Variants in PCDH19 observed in about 807,000 individuals in gnomAD.
PCDH19 encodes protocadherin-19.
A neutral mutation model predicts 46.2 loss-of-function variants in PCDH19; 6 were observed. The observed-to-expected ratio is 0.13, with a 90% CI of 0.07 to 0.26. The LOEUF is 0.26. Ranked by LOEUF, PCDH19 falls within the 10% of genes least tolerant of loss-of-function variation. The probability of loss-of-function intolerance (pLI) is 1.00; values close to 1 mark genes in which losing one functional copy is unlikely to be tolerated. For missense variants in PCDH19, 740 were observed against 972.3 expected (o/e 0.76, Z 3.18); for synonymous variants, 481 against 415.7 (o/e 1.16, Z -1.91).
intron 3 of PCDH19, among the ~76,000 whole-genome samples, chrX:100,377,915 G>A (rs1927435089): frequency 1.8e-5 from 2 of 112,270 alleles, no homozygotes; most frequent in Non-Finnish European, 3.8e-5. Flanking sequence ...AATCCAATAC[G>A]AAATAGTGGT....
Position 100,407,621 on chromosome X carries a change from A to G in PCDH19, c.977T>C (p.Ile326Thr). ...VQAKDLGPNS[I>T]PAHCKVTVSV... ...GACGGTGACCTTGCAGTGTGCCGGG[A>G]TGGAATTGGGCCCCAAGTCCTTAGC... Residue 326 changes from isoleucine (I) to threonine (T), a missense_variant, in exon 1 of 6, where the codon ATC becomes ACC. Physicochemically the swap from Ile to Thr is moderately conservative, Grantham distance 89 (BLOSUM62 -1). Around this residue, in one of 5 missense-constraint regions of PCDH19, gnomAD observed 186 missense variants for 319.9 expected, o/e 0.58. Transcript: ENST00000373034. The G allele has an allele frequency of 1.7e-6, 2 of 1,211,819 alleles. No homozygotes were observed. Among genetic ancestry groups the G allele is most frequent in the Non-Finnish European group, 2.2e-6 (2 of 895,518 alleles).
chrX:100,353,415 T>C, intron 3 of PCDH19, among the ~76,000 whole-genome samples: 1 of 112,049 alleles, frequency 8.9e-6, no homozygotes, highest in East Asian at 2.8e-4. Context: ...CTGTGTGCAC[T>C]CTGCATCAAA....
chrX:100,388,654 C>T (rs997339835), intron 3 of PCDH19, among the ~76,000 whole-genome samples: 3 of 110,351 alleles, frequency 2.7e-5, no homozygotes, highest in Non-Finnish European at 5.7e-5. Context: ...TGCCAAATTG[C>T]CCCCAGGAAA....
chrX:100,355,271 A>G (rs1311395821), intron 3 of PCDH19, among the ~76,000 whole-genome samples: 2 of 111,682 alleles, frequency 1.8e-5, no homozygotes. Context: ...TCCTTAAAAT[A>G]GGGTATAAAA....
At chrX:100,306,246 C>T (rs1308833440) in intron 5 of PCDH19, among the ~76,000 whole-genome samples, 1 of 111,653 alleles carries the variant, frequency 9.0e-6, no homozygotes. Flanking sequence ...AACTGGAAAT[C>T]AACTCTAAAA....
At chrX:100,337,744 C>G (rs996123581) in intron 5 of PCDH19, among the ~76,000 whole-genome samples, 1 of 111,344 alleles carries the variant, frequency 9.0e-6, no homozygotes, top group Non-Finnish European at 1.9e-5. Flanking sequence ...AGTAGGGTGA[C>G]TATAGCTTAT....
chrX:100,377,868 G>A (rs761880880), intron 3 of PCDH19, among the ~76,000 whole-genome samples: 2 of 112,088 alleles, frequency 1.8e-5, no homozygotes, highest in East Asian at 2.8e-4. Context: ...AATAGGGTTC[G>A]ATGTGATTGG....
In PCDH19 at chrX:100,407,322, G is replaced by A. The variant is rs1928399359; in HGVS notation, c.1276C>T (p.Arg426Cys). 6 of 1,212,381 alleles carry A rather than the reference G, an allele frequency of 4.9e-6. No individual in the cohort carries two copies. The highest frequency in any genetic ancestry group is 1.7e-5 in the African/African-American group (1 of 57,978). The change falls in exon 1 of 6, where the codon CGC becomes TGC. Residue 426 changes from arginine (R) to cysteine (C), a missense_variant. Arg to Cys is a radical substitution (Grantham distance 180). Around this residue, in one of 5 missense-constraint regions of PCDH19, gnomAD observed 186 missense variants for 319.9 expected, o/e 0.58. Transcript: ENST00000373034. ...HDQYNLTIQA[R>C]DGGVPMLQSA... is the part of the protein sequence containing the mutation. ...TGCAGCATGGGCACGCCGCCGTCGCGTGCCTGAATTGTGAGGTTGTATTGG... is the reference window on the plus strand; with the variant it reads ...TGCAGCATGGGCACGCCGCCGTCGCATGCCTGAATTGTGAGGTTGTATTGG...
At chrX:100,396,051 C>A (rs1184365631) in intron 3 of PCDH19, among the ~76,000 whole-genome samples, 1 of 111,553 alleles carries the variant, frequency 9.0e-6, no homozygotes, top group African/African-American at 3.3e-5. Flanking sequence ...ACCTCTCACA[C>A]ACAGGCCTCT....
intron 5 of PCDH19, among the ~76,000 whole-genome samples, chrX:100,322,865 A>ATATATATATATATTTTTTTTTTTT: frequency 9.2e-5 from 5 of 54,416 alleles, no homozygotes; most frequent in South Asian, 7.8e-4. Flanking sequence ...ATATATATAT[A>ATATATATATATATTTTTTTTTTTT]TTTTTGCAGC....
At chrX:100,299,637 G>C (rs1924716567) in intron 5 of PCDH19, among the ~76,000 whole-genome samples, 1 of 111,243 alleles carries the variant, frequency 9.0e-6, no homozygotes, top group African/African-American at 3.3e-5. Flanking sequence ...AGGTTTCTCT[G>C]TATAGATAGT....
chrX:100,343,470 T>C (rs922566619), intron 4 of PCDH19, among the ~76,000 whole-genome samples: 2 of 112,165 alleles, frequency 1.8e-5, no homozygotes, highest in Non-Finnish European at 3.8e-5. Flanking sequence ...CAAGTGTTGA[T>C]AGGTAAAATG....
intron 3 of PCDH19, among the ~76,000 whole-genome samples, chrX:100,351,518 G>A (rs191346389): frequency 3.7e-4 from 42 of 112,498 alleles, no homozygotes; most frequent in Non-Finnish European, 7.1e-4. Flanking sequence ...GTGAAATCCA[G>A]AGAAAAGTCG....
At position 100,408,418 on chromosome X, in the gene PCDH19, G is replaced by C. The variant is rs1209638487; in HGVS notation, c.180C>G (p.Ala60=). The C allele has an allele frequency of 8.3e-7, 1 of 1,207,308 alleles. No homozygotes were observed. Among genetic ancestry groups the C allele is most frequent in the Non-Finnish European group, 1.1e-6 (1 of 894,540 alleles). ...GAGCCGAGTTGGACACCACGCGAAA[G>C]GCTGAAGCCTGCCGGGGGTCCAGCG... ...GFALDPRQAS[A]FRVVSNSAPH... The change falls in exon 1 of 6, where the codon GCC becomes GCG. Residue 60 remains alanine (A), a synonymous_variant. Coordinates refer to ENST00000373034, the MANE Select transcript of PCDH19 (RefSeq NM_001184880.2).
intron 3 of PCDH19, among the ~76,000 whole-genome samples, chrX:100,377,271 G>T (rs1456944739): frequency 9.0e-6 from 1 of 111,531 alleles, no homozygotes; most frequent in East Asian, 2.8e-4. Context: ...ACACAATTGT[G>T]TTTTTAATGT....
rs55977851 is a variant in PCDH19 at position 100,334,755 on chromosome X, C to CGTGTGTGTGT, written c.2848+7138_2848+7147dup. ...AACCGCATAACATATATATAACCAACGTGTGTGTGTGTGTGTGTGTGTATA... is the reference window on the plus strand; with the variant it reads ...AACCGCATAACATATATATAACCAACGTGTGTGTGTGTGTGTGTGTGTGTGTGTGTGTATA... On this transcript the variant is annotated intron_variant, in intron 5 of 5. Coordinates refer to ENST00000373034, the MANE Select transcript of PCDH19 (RefSeq NM_001184880.2). Among the ~76,000 whole-genome samples the CGTGTGTGTGT allele has an allele frequency of 5.8e-3, 582 of 100,476 alleles. 5 individuals carry two copies. The highest frequency in any genetic ancestry group is 0.02 in the African/African-American group (539 of 27,464). The allele number at this position is 100,476 out of a possible 115,157, so 87.3% of individuals were successfully genotyped here. A position where few individuals can be genotyped will look rare whatever the true frequency, so the allele number is the denominator to read the frequency against.
rs750655074 is a variant in PCDH19 at position 100,406,882 on chromosome X, A to T, written c.1716T>A (p.Thr572=). 1.8e-5 allele frequency: 22 copies of T among 1,211,394 alleles called. No individual in the cohort carries two copies. In the South Asian group the frequency reaches 3.5e-4, roughly 19 times the overall value. ...VITAPPLING[T]AEVYIPRNSG... is the part of the protein sequence containing the mutation. ...AGTTGCGGGGTATGTAGACCTCGGC[A>T]GTGCCGTTAATCAGAGGTGGGGCTG... Residue 572 remains threonine (T), a synonymous_variant, in exon 1 of 6, where the codon ACT becomes ACA. Coordinates refer to ENST00000373034, the MANE Select transcript of PCDH19 (RefSeq NM_001184880.2).
rs1176708890 is a variant in PCDH19 at position 100,404,056 on chromosome X, GATC to G, written c.2148-395_2148-393del. On this transcript the variant is annotated intron_variant, in intron 1 of 5. Coordinates refer to ENST00000373034, the MANE Select transcript of PCDH19 (RefSeq NM_001184880.2). ...GAGCCCAATTCAAGCAGCAATTGCA[GATC>G]ATCTCGCAAGTCTCATAAATGAATG... 2.4e-4 allele frequency among the ~76,000 whole-genome samples: 27 copies of G among 112,133 alleles called. 1 individual carries two copies. In the Admixed American group the frequency reaches 2.5e-3, roughly 10 times the overall value.
chrX:100,298,936 C>G (rs1194540621), intron 5 of PCDH19, among the ~76,000 whole-genome samples: 3 of 111,588 alleles, frequency 2.7e-5, no homozygotes, highest in African/African-American at 9.8e-5. Context: ...TAGGGCTTCC[C>G]AATAAGCTGT....
Sources: gnomAD v4.1 joint callset for allele counts (sites outside exome capture counted in the v4.1 genomes callset) on GRCh38, gnomAD v4.1.1 for gene constraint, gnomAD v4.1.1 regional missense constraint, MANE v1.5 for transcripts, NCBI Gene and HGNC (gene_info 2026-07-23, HGNC 2026-07-21) for gene names.